Variants in USP45 observed in about 807,000 individuals in gnomAD.
USP45 encodes ubiquitin specific peptidase 45, also known as ubiquitin carboxyl-terminal hydrolase 45.
Under a neutral mutation model 95.8 loss-of-function variants are expected in USP45, and 89 were observed. The observed-to-expected ratio is 0.93, with a 90% CI of 0.78 to 1.11. The LOEUF (loss-of-function observed/expected upper bound fraction) is 1.11, where lower values mean the gene tolerates loss of function less well. Ranked by LOEUF, USP45 falls within the 50% of genes least tolerant of loss-of-function variation. The pLI, the probability that USP45 is intolerant of heterozygous loss-of-function variation, is 0.00. For synonymous variants in USP45, 281 were observed against 316.2 expected (o/e 0.89, Z 1.18); for missense variants, 898 against 942.5 (o/e 0.95, Z 0.62).
At chr6:99,469,445 A>ATAT (rs36148167) in intron 9 of USP45, among the ~76,000 whole-genome samples, 2 of 145,786 alleles carry the variant, frequency 1.4e-5, no homozygotes, top group South Asian at 2.1e-4. Flanking sequence ...CTTTCCAAAA[A>ATAT]ATATATATAT....
chr6:99,463,540 T>A (rs979475044), intron 13 of USP45, among the ~76,000 whole-genome samples: 1 of 151,938 alleles, frequency 6.6e-6, no homozygotes, highest in Non-Finnish European at 1.5e-5. Flanking sequence ...AATCTGTAGA[T>A]GAAAAGAGAT....
intron 13 of USP45, chr6:99,461,298 G>C (rs1275458449): frequency 2.0e-6 from 2 of 985,216 alleles, no homozygotes; most frequent in African/African-American, 3.5e-5. Context: ...GGAGGGGAAA[G>C]AAGGGAAGAA....
intron 5 of USP45, among the ~76,000 whole-genome samples, chr6:99,491,920 C>A (rs1343921035): frequency 6.6e-6 from 1 of 151,634 alleles, no homozygotes; most frequent in Non-Finnish European, 1.5e-5. Context: ...TATATATACA[C>A]GACGCCTATT....
intron 7 of USP45, among the ~76,000 whole-genome samples, chr6:99,487,209 C>G (rs1408280546): frequency 6.6e-6 from 1 of 152,120 alleles, no homozygotes; most frequent in African/African-American, 2.4e-5. Flanking sequence ...AAATCTCTAA[C>G]TAGTAAAGTA....
intron 7 of USP45, among the ~76,000 whole-genome samples, chr6:99,485,290 A>C (rs1175320204): frequency 1.3e-5 from 2 of 152,136 alleles, no homozygotes; most frequent in Non-Finnish European, 2.9e-5. Flanking sequence ...GGTTGCAGTG[A>C]GCCGAGATCG....
chr6:99,508,395 T>C (rs1799008095), intron 3 of USP45, among the ~76,000 whole-genome samples: 2 of 152,348 alleles, frequency 1.3e-5, no homozygotes, highest in Middle Eastern at 6.8e-3. Flanking sequence ...GAATTACCTC[T>C]GCAAGTATTT....
At chr6:99,503,326 ATT>A (rs201520980) in intron 5 of USP45, among the ~76,000 whole-genome samples, 2 of 144,124 alleles carry the variant, frequency 1.4e-5, no homozygotes, top group Admixed American at 7.0e-5. Flanking sequence ...GATACTCATA[ATT>A]TTTTTTTTTT....
intron 9 of USP45, among the ~76,000 whole-genome samples, chr6:99,471,186 T>G (rs1252834704): frequency 1.3e-5 from 2 of 152,116 alleles, no homozygotes; most frequent in Non-Finnish European, 2.9e-5. Flanking sequence ...AAAAGTCAAT[T>G]AATAGGTAAT....
chr6:99,464,821 T>C (rs1407795348), intron 12 of USP45, 74 bp from the exon 13 acceptor site: 3 of 1,444,274 alleles, frequency 2.1e-6, no homozygotes, highest in Admixed American at 2.5e-5. Flanking sequence ...CTTAAAATTT[T>C]TGACTGACTT....
upstream of USP45, among the ~76,000 whole-genome samples, chr6:99,517,244 A>G (rs1225393582): frequency 1.3e-5 from 2 of 152,198 alleles, no homozygotes; most frequent in Admixed American, 6.5e-5. Flanking sequence ...TTTTAGTGCT[A>G]TTACAATGAC....
intron 15 of USP45, among the ~76,000 whole-genome samples, chr6:99,440,913 G>C (rs1582950412): frequency 6.6e-6 from 1 of 152,074 alleles, no homozygotes; most frequent in East Asian, 1.9e-4. Flanking sequence ...TCAGTACTTT[G>C]CTGTTGAGAA....
chr6:99,451,460 A>G (rs1783823060), intron 13 of USP45, among the ~76,000 whole-genome samples: 1 of 152,216 alleles, frequency 6.6e-6, no homozygotes, highest in Non-Finnish European at 1.5e-5. Context: ...ATACCTAGGA[A>G]TCCAACTTAC....
At chr6:99,471,878 T>C (rs1280085159) in intron 9 of USP45, among the ~76,000 whole-genome samples, 2 of 152,334 alleles carry the variant, frequency 1.3e-5, no homozygotes, top group African/African-American at 2.4e-5. Context: ...CCTGCCCTGA[T>C]ACTGTAGCTG....
chr6:99,482,548 T>C (rs1562390355), intron 8 of USP45: 1 of 430,154 alleles, frequency 2.3e-6, no homozygotes, highest in Non-Finnish European at 4.0e-6. Context: ...TGTGTCTCCA[T>C]TTCCTTATAT....
In USP45 at chr6:99,434,933, T is replaced by C. The variant is rs1330356673; in HGVS notation, c.*783A>G. ...GAAGAGGGTGCAAGAGATATGTTTATGAAATGCCTCAATATAATTCTAGTT... is the reference window on the plus strand; with the variant it reads ...GAAGAGGGTGCAAGAGATATGTTTACGAAATGCCTCAATATAATTCTAGTT... On this transcript the variant is annotated 3_prime_UTR_variant, in exon 18 of 18. Coordinates refer to ENST00000500704, the MANE Select transcript of USP45 (RefSeq NM_001346022.3). The C allele has an allele frequency of 6.6e-6, 1 of 152,246 alleles. No homozygotes were observed. The highest frequency in any genetic ancestry group is 2.4e-5 in the African/African-American group (1 of 41,454). 9.4% of individuals were successfully genotyped at this position (152,246 alleles called of 1,614,324 possible). A position where few individuals can be genotyped will look rare whatever the true frequency, so the allele number is the denominator to read the frequency against.
chr6:99,476,803 AAG>A (rs1304024771), intron 8 of USP45, among the ~76,000 whole-genome samples: 1 of 152,218 alleles, frequency 6.6e-6, no homozygotes, highest in Non-Finnish European at 1.5e-5. Context: ...AAAGGAAAGC[AAG>A]AGAGTGTTTC....
At position 99,433,356 on chromosome 6, in the gene USP45, A is replaced by C. The variant is rs1779994964; in HGVS notation, c.*2360T>G. 1 of 152,588 alleles carries C rather than the reference A, an allele frequency of 6.6e-6. No individual in the cohort carries two copies. The highest frequency in any genetic ancestry group is 2.4e-5 in the African/African-American group (1 of 41,406). 9.5% of individuals were successfully genotyped at this position (152,588 alleles called of 1,614,324 possible). A position where few individuals can be genotyped will look rare whatever the true frequency, so the allele number is the denominator to read the frequency against. Reference sequence around the variant, plus strand: ...ATGGTAGTTATGTTGATGATAAGTAAACATTATTATTTATTTATACTGTTT... The same window carrying C: ...ATGGTAGTTATGTTGATGATAAGTACACATTATTATTTATTTATACTGTTT... On this transcript the variant is annotated 3_prime_UTR_variant, in exon 18 of 18. Transcript: ENST00000500704.
chr6:99,464,020 G>A (rs1267208431), intron 13 of USP45, among the ~76,000 whole-genome samples: 1 of 151,874 alleles, frequency 6.6e-6, no homozygotes, highest in Non-Finnish European at 1.5e-5. Flanking sequence ...GTATCCCTCG[G>A]TTAGTGCTGG....
chr6:99,496,504 T>G (rs1796334905), intron 5 of USP45, among the ~76,000 whole-genome samples: 1 of 152,234 alleles, frequency 6.6e-6, no homozygotes, highest in East Asian at 1.9e-4. Context: ...CAGCAGGATA[T>G]AGTATTTTGT....
Sources: gnomAD v4.1 joint callset for allele counts (sites outside exome capture counted in the v4.1 genomes callset) on GRCh38, gnomAD v4.1.1 for gene constraint, MANE v1.5 for transcripts, NCBI Gene and HGNC (gene_info 2026-07-23, HGNC 2026-07-21) for gene names.